DCDC2: variants seen among roughly 807,000 people sequenced by gnomAD.
DCDC2 encodes doublecortin domain containing 2, also known as doublecortin domain-containing protein 2.
DCDC2 carries 40 observed loss-of-function variants against 50.2 expected under a neutral mutation model. The ratio of observed to expected loss-of-function variants is 0.80; its 90% confidence interval spans 0.62 to 1.04. The LOEUF (loss-of-function observed/expected upper bound fraction) is 1.04, where lower values mean the gene tolerates loss of function less well. DCDC2 is among the 50% of genes least tolerant of loss of function. The pLI, the probability that DCDC2 is intolerant of heterozygous loss-of-function variation, is 0.00. For missense variants in DCDC2, 570 were observed against 581.9 expected (o/e 0.98, Z 0.21); for synonymous variants, 234 against 210.6 (o/e 1.11, Z -0.96).
intron 6 of DCDC2, among the ~76,000 whole-genome samples, chr6:24,283,061 C>T (rs1167061917): frequency 6.6e-6 from 1 of 151,362 alleles, no homozygotes. Flanking sequence ...GTAATAAGGA[C>T]AACAAAAGAT....
intron 8 of DCDC2, among the ~76,000 whole-genome samples, chr6:24,197,146 T>G (rs542047805): frequency 6.6e-6 from 1 of 152,326 alleles, no homozygotes; most frequent in East Asian, 1.9e-4. Context: ...ACCAATCTGT[T>G]TCTCAGTATC....
chr6:24,201,205 TCTC>T (rs1761580514), intron 8 of DCDC2, among the ~76,000 whole-genome samples: 1 of 152,208 alleles, frequency 6.6e-6, no homozygotes, highest in South Asian at 2.1e-4. Context: ...TATACATTCT[TCTC>T]AGCACCACAT....
chr6:24,288,089 G>GC (rs1373591744), intron 6 of DCDC2, among the ~76,000 whole-genome samples: 2 of 152,140 alleles, frequency 1.3e-5, no homozygotes, highest in Non-Finnish European at 2.9e-5. Flanking sequence ...CAATATCATT[G>GC]CCTAGAAATC....
At chr6:24,202,503 A>C (rs1761610796) in intron 8 of DCDC2, among the ~76,000 whole-genome samples, 1 of 152,216 alleles carries the variant, frequency 6.6e-6, no homozygotes, top group South Asian at 2.1e-4. Flanking sequence ...AGAGCTATTT[A>C]TGACAAACCC....
chr6:24,243,701 C>T (rs186266196), intron 7 of DCDC2, among the ~76,000 whole-genome samples: 1 of 152,136 alleles, frequency 6.6e-6, no homozygotes. Context: ...TTGTCCCTGG[C>T]TACATGGCTG....
At chr6:24,246,054 A>T (rs1045441649) in intron 7 of DCDC2, among the ~76,000 whole-genome samples, 1 of 152,010 alleles carries the variant, frequency 6.6e-6, no homozygotes, top group Non-Finnish European at 1.5e-5. Context: ...CCCAGGCTGG[A>T]GTGCACTGGC....
chr6:24,270,527 T>C (rs1428364366), intron 7 of DCDC2, among the ~76,000 whole-genome samples: 4 of 152,192 alleles, frequency 2.6e-5, no homozygotes, highest in African/African-American at 9.7e-5. Flanking sequence ...CTGTGCGGAA[T>C]GCTCTGAACA....
At chr6:24,352,778 A>T (rs541428643) in intron 2 of DCDC2, among the ~76,000 whole-genome samples, 3 of 152,220 alleles carry the variant, frequency 2.0e-5, no homozygotes, top group Non-Finnish European at 4.4e-5. Context: ...CCATTTCTTC[A>T]TTGGCAGCAC....
At chr6:24,359,438 C>CTATATAATATATATTTTATATAT (rs1760612755), upstream of DCDC2, among the ~76,000 whole-genome samples, 1 of 60,766 alleles carries the variant, frequency 1.6e-5, no homozygotes, top group African/African-American at 6.9e-5. Context: ...TTTATATATA[C>CTATATAATATATATTTTATATAT]TATATAGTAT....
At chr6:24,381,860 A>G in the DCDC2 span, among the ~76,000 whole-genome samples, 8 of 140,558 alleles carry the variant, frequency 5.7e-5, no homozygotes, top group East Asian at 2.1e-4. Flanking sequence ...GGAAGGAAGG[A>G]GAAATAAAAG....
chr6:24,354,399 A>T (rs912465831), intron 1 of DCDC2, among the ~76,000 whole-genome samples: 9 of 152,174 alleles, frequency 5.9e-5, no homozygotes, highest in African/African-American at 1.9e-4. Flanking sequence ...TGATAGATCA[A>T]TCCTTTACCC....
At chr6:24,334,132 G>C (rs1261163103) in intron 2 of DCDC2, among the ~76,000 whole-genome samples, 2 of 152,182 alleles carry the variant, frequency 1.3e-5, no homozygotes, top group East Asian at 3.8e-4. Flanking sequence ...TAATTCCATA[G>C]TCCCTGATAA....
rs1265297396 is a variant in DCDC2 at position 24,264,000 on chromosome 6, A to C, written c.922+14049T>G. ...CTAAAAGCAGCAAGAGAAAAGAAAC[A>C]GCAAATACATACAAAGAAGCTCAAA... On this transcript the variant is annotated intron_variant, in intron 7 of 9. Coordinates refer to ENST00000378454, the MANE Select transcript of DCDC2 (RefSeq NM_016356.5). 2.0e-5 allele frequency among the ~76,000 whole-genome samples: 3 copies of C among 152,234 alleles called. No homozygotes were observed. The South Asian group carries it at 6.2e-4, about 32-fold the overall frequency.
intron 2 of DCDC2, among the ~76,000 whole-genome samples, chr6:24,309,903 G>A (rs769101276): frequency 2.4e-4 from 37 of 152,158 alleles, no homozygotes; most frequent in Admixed American, 5.9e-4. Context: ...GCTGAAATGG[G>A]AGGACTGCTT....
chr6:24,251,474 T>G (rs1762791546), intron 7 of DCDC2, among the ~76,000 whole-genome samples: 2 of 152,176 alleles, frequency 1.3e-5, no homozygotes, highest in Non-Finnish European at 2.9e-5. Context: ...CTCACAAACC[T>G]CCTGAAATTC....
intron 2 of DCDC2, among the ~76,000 whole-genome samples, chr6:24,351,286 T>C (rs1464854272): frequency 6.6e-6 from 1 of 152,172 alleles, no homozygotes; most frequent in Non-Finnish European, 1.5e-5. Flanking sequence ...ATCTCCGGAC[T>C]GGACATGTGA....
At chr6:24,312,771 T>G (rs1463122056) in intron 2 of DCDC2, among the ~76,000 whole-genome samples, 2 of 152,230 alleles carry the variant, frequency 1.3e-5, no homozygotes, top group Admixed American at 1.3e-4. Flanking sequence ...CCTTTTGTAC[T>G]GTGATCTAAA....
chr6:24,202,096 A>T (rs972901128), intron 8 of DCDC2, among the ~76,000 whole-genome samples: 3 of 152,310 alleles, frequency 2.0e-5, no homozygotes, highest in African/African-American at 7.2e-5. Context: ...AGCTATTCCA[A>T]ACAATAGAAA....
At chr6:24,340,230 A>G (rs1374562201) in intron 2 of DCDC2, among the ~76,000 whole-genome samples, 4 of 152,260 alleles carry the variant, frequency 2.6e-5, no homozygotes, top group Non-Finnish European at 4.4e-5. Flanking sequence ...GTCACAATGT[A>G]TACATCATTC....
Sources: allele counts gnomAD v4.1 joint callset (sites outside exome capture counted in the v4.1 genomes callset), GRCh38; gene constraint gnomAD v4.1.1; transcripts MANE v1.5; gene names NCBI Gene and HGNC (gene_info 2026-07-23, HGNC 2026-07-21).